Variants in XYLT1 observed in about 807,000 individuals in gnomAD.
XYLT1 encodes beta-D-xylosyltransferase 1.
In XYLT1, 36 loss-of-function variants were observed where a neutral mutation model predicts 91.3. The ratio of observed to expected loss-of-function variants is 0.39; its 90% CI spans 0.30 to 0.52. The LOEUF (loss-of-function observed/expected upper bound fraction) is 0.52, where lower values mean the gene tolerates loss of function less well. Among genes scored for constraint, XYLT1 ranks in the 20% least tolerant of loss-of-function variants. XYLT1 has a pLI of 0.68. For synonymous variants in XYLT1, 588 were observed against 532.0 expected, an observed-to-expected ratio of 1.11 and a Z score of -1.45; for missense variants, 1,242 against 1,284.5, an observed-to-expected ratio of 0.97 and a Z score of 0.51.
intron 2 of XYLT1, among the ~76,000 whole-genome samples, chr16:17,339,002 C>A (rs993858044): frequency 1.3e-5 from 2 of 152,112 alleles, no homozygotes; most frequent in Non-Finnish European, 2.9e-5. Flanking sequence ...ATCTATCTTA[C>A]AAAAATTCAA....
Position 17,106,516 on chromosome 16 carries a change from C to T in XYLT1, c.*2179G>A, listed in dbSNP as rs2141473747. The T allele has an allele frequency of 6.6e-6, 1 of 152,364 alleles. No homozygotes were observed. The highest frequency in any genetic ancestry group is 6.5e-5 in the Admixed American group (1 of 15,304). The allele number at this position is 152,364 out of a possible 1,614,324, so 9.4% of individuals were successfully genotyped here. A position where few individuals can be genotyped will look rare whatever the true frequency, so the allele number is the denominator to read the frequency against. The stretch of plus-strand genomic sequence containing the variant: ...CTGCCTGGATCTGACGACCCTCCTC[C>T]TAAGATGGATCTCTCTCAAAGGAGC... On this transcript the variant is annotated 3_prime_UTR_variant, in exon 12 of 12. Coordinates refer to ENST00000261381, the MANE Select transcript of XYLT1 (RefSeq NM_022166.4).
intron 1 of XYLT1, among the ~76,000 whole-genome samples, chr16:17,424,353 T>C (rs1403166686): frequency 6.6e-6 from 1 of 152,214 alleles, no homozygotes; most frequent in Non-Finnish European, 1.5e-5. Flanking sequence ...CCACAAGTTA[T>C]TCCATTCGGT....
rs1412693182 is a variant in XYLT1 at position 17,370,432 on chromosome 16, GAGTA to G, written c.364-12386_364-12383del. Among the ~76,000 whole-genome samples, 21 of 152,340 alleles carry G rather than the reference GAGTA, an allele frequency of 1.4e-4. No individual in the cohort carries two copies. The East Asian group carries it at 3.3e-3, about 24-fold the overall frequency. On this transcript the variant is annotated intron_variant, in intron 1 of 11. Transcript: ENST00000261381. The stretch of plus-strand genomic sequence containing the variant: ...GTGGAACTGTAGGCTGTATTCAGGA[GAGTA>G]AGTGTTACTTTCCCAGGGACTTCAT...
At chr16:17,202,878 A>G (rs1354812517) in intron 3 of XYLT1, among the ~76,000 whole-genome samples, 1 of 152,182 alleles carries the variant, frequency 6.6e-6, no homozygotes, top group Non-Finnish European at 1.5e-5. Flanking sequence ...CGGTGAAACA[A>G]AAGTTACAGG....
At chr16:17,365,758 C>T (rs2035446894) in intron 1 of XYLT1, among the ~76,000 whole-genome samples, 1 of 152,126 alleles carries the variant, frequency 6.6e-6, no homozygotes, top group African/African-American at 2.4e-5. Flanking sequence ...TCATCACCCA[C>T]AGCCTTGGAA....
At chr16:17,238,059 A>G (rs1488452457) in intron 3 of XYLT1, among the ~76,000 whole-genome samples, 1 of 152,208 alleles carries the variant, frequency 6.6e-6, no homozygotes, top group East Asian at 1.9e-4. Context: ...GGGGATTTTT[A>G]TCATGAGCTG....
At chr16:17,359,219 T>C (rs981747351) in intron 1 of XYLT1, among the ~76,000 whole-genome samples, 2 of 152,150 alleles carry the variant, frequency 1.3e-5, no homozygotes, top group African/African-American at 4.8e-5. Flanking sequence ...ATGGGCATGA[T>C]TTTAGGGCCC....
In XYLT1 at chr16:17,406,424, T is replaced by A. The variant is rs527921494; in HGVS notation, c.364-48374A>T. Among the ~76,000 whole-genome samples the A allele has an allele frequency of 4.6e-5, 7 of 152,336 alleles. No homozygotes were observed. In the South Asian group the frequency reaches 1.4e-3, roughly 32 times the overall value. ...CCCCTCTCTGTGCTCCAGTGAGGTC[T>A]CTCCCAGGGTTCCTGTGAATCACCA... On this transcript the variant is annotated intron_variant, in intron 1 of 11. Transcript: ENST00000261381.
chr16:17,278,863 C>T (rs2034016417), intron 2 of XYLT1, among the ~76,000 whole-genome samples: 1 of 152,200 alleles, frequency 6.6e-6, no homozygotes, highest in African/African-American at 2.4e-5. Context: ...ACTTTACAGC[C>T]TCATCTATGC....
intron 2 of XYLT1, among the ~76,000 whole-genome samples, chr16:17,273,677 C>T (rs2033929282): frequency 6.6e-6 from 1 of 151,920 alleles, no homozygotes; most frequent in African/African-American, 2.4e-5. Flanking sequence ...AACCCTGTCT[C>T]TACTGAAAAT....
chr16:17,209,366 C>T (rs1457272049), intron 3 of XYLT1, among the ~76,000 whole-genome samples: 3 of 152,200 alleles, frequency 2.0e-5, no homozygotes, highest in Non-Finnish European at 2.9e-5. Flanking sequence ...TAATACTCCA[C>T]TGTATGCATA....
chr16:17,376,189 C>T (rs2035598874), intron 1 of XYLT1, among the ~76,000 whole-genome samples: 1 of 152,200 alleles, frequency 6.6e-6, no homozygotes, highest in Non-Finnish European at 1.5e-5. Context: ...TTGACACTGT[C>T]TAGAGACACG....
intron 2 of XYLT1, chr16:17,338,584 T>TCGTGTC: frequency 2.2e-6 from 1 of 446,638 alleles, no homozygotes; most frequent in Non-Finnish European, 4.5e-6. Context: ...GAATGGTCTT[T>TCGTGTC]CGTGTCCCCT....
chr16:17,246,926 G>T (rs2033444529), intron 3 of XYLT1, among the ~76,000 whole-genome samples: 1 of 152,202 alleles, frequency 6.6e-6, no homozygotes. Context: ...AGGCAAGGTG[G>T]TTTGGGGGCA....
At chr16:17,373,335 G>A (rs1007740631) in intron 1 of XYLT1, among the ~76,000 whole-genome samples, 3 of 152,164 alleles carry the variant, frequency 2.0e-5, no homozygotes, top group Non-Finnish European at 1.5e-5. Flanking sequence ...CACCTACTAT[G>A]TGCCTCAACC....
At chr16:17,238,634 G>A (rs933822059) in intron 3 of XYLT1, among the ~76,000 whole-genome samples, 2 of 152,216 alleles carry the variant, frequency 1.3e-5, no homozygotes, top group Non-Finnish European at 2.9e-5. Context: ...TGGCCTACAA[G>A]GTCCTGCATG....
At chr16:17,337,775 C>CTTTTTTT (rs71373106) in intron 2 of XYLT1, among the ~76,000 whole-genome samples, 40 of 114,212 alleles carry the variant, frequency 3.5e-4, no homozygotes, top group African/African-American at 9.3e-4. Context: ...CACATTTTTT[C>CTTTTTTT]TTTTTCTTTT....
chr16:17,138,348 G>A lies in XYLT1; in HGVS notation c.1764+7C>T, dbSNP rs2030839132. The A allele has an allele frequency of 1.9e-6, 3 of 1,607,958 alleles. No homozygotes were observed. The highest frequency in any genetic ancestry group is 2.6e-6 in the Non-Finnish European group (3 of 1,175,374). On this transcript the variant is annotated splice_region_variant and intron_variant, in intron 8 of 11. Coordinates refer to ENST00000261381, the MANE Select transcript of XYLT1 (RefSeq NM_022166.4). ...TAGGAGGCTGGCAGACCATGAGAAA[G>A]TCTCACCTGGAAGCGGTGGAAGTCC...
At chr16:17,325,866 T>C (rs1023511074) in intron 2 of XYLT1, among the ~76,000 whole-genome samples, 1 of 152,190 alleles carries the variant, frequency 6.6e-6, no homozygotes, top group Admixed American at 6.5e-5. Context: ...AATTAGCTCA[T>C]CATTTCTAAG....
Sources: allele counts gnomAD v4.1 joint callset (sites outside exome capture counted in the v4.1 genomes callset), GRCh38; gene constraint gnomAD v4.1.1; transcripts MANE v1.5; gene names NCBI Gene and HGNC (gene_info 2026-07-23, HGNC 2026-07-21).